ZFPM2: variants seen among roughly 807,000 people sequenced by gnomAD.
The protein encoded by ZFPM2 is zinc finger protein ZFPM2.
Under a neutral mutation model 98.6 loss-of-function variants are expected in ZFPM2, and 20 were observed. The ratio of observed to expected loss-of-function variants is 0.20; its 90% confidence interval spans 0.14 to 0.29. The LOEUF (loss-of-function observed/expected upper bound fraction) is 0.29. Ranked by LOEUF, ZFPM2 falls within the 10% of genes least tolerant of loss-of-function variation. The probability of loss-of-function intolerance (pLI) is 1.00; values close to 1 mark genes in which losing one functional copy is unlikely to be tolerated. For synonymous variants in ZFPM2, 518 were observed against 502.7 expected (o/e 1.03, Z -0.41); for missense variants, 1,310 against 1,388.6 (o/e 0.94, Z 0.90).
chr8:105,743,912 A>G (rs1478395933), intron 5 of ZFPM2, among the ~76,000 whole-genome samples: 2 of 152,006 alleles, frequency 1.3e-5, no homozygotes, highest in Non-Finnish European at 2.9e-5. Context: ...TTTAGTTCAA[A>G]TTGTATTTTT....
intron 5 of ZFPM2, among the ~76,000 whole-genome samples, chr8:105,677,572 A>G (rs1160429417): frequency 6.6e-6 from 1 of 151,766 alleles, no homozygotes; most frequent in Admixed American, 6.6e-5. Flanking sequence ...TGTATTGTAG[A>G]GGGTTTTTTT....
chr8:105,398,814 A>G (rs1367888819), intron 1 of ZFPM2, among the ~76,000 whole-genome samples: 1 of 152,164 alleles, frequency 6.6e-6, no homozygotes, highest in African/African-American at 2.4e-5. Context: ...TTATTCAGCA[A>G]ATGTGTGGCA....
intron 1 of ZFPM2, among the ~76,000 whole-genome samples, chr8:105,328,877 G>A (rs1393736662): frequency 6.6e-6 from 1 of 151,572 alleles, no homozygotes; most frequent in Non-Finnish European, 1.5e-5. Flanking sequence ...GGAAATATTG[G>A]GCCTCCCACC....
In ZFPM2 at chr8:105,446,200, G is replaced by T. The variant is rs572066389; in HGVS notation, c.301+1819G>T. Reference sequence around the variant, plus strand: ...CTCCCAAAGTGCTGGGATTACAGGCGTGAGCTACCGTGCCCGGCGATAGTT... The same window carrying T: ...CTCCCAAAGTGCTGGGATTACAGGCTTGAGCTACCGTGCCCGGCGATAGTT... On this transcript the variant is annotated intron_variant, in intron 3 of 7. Transcript: ENST00000407775. 1.2e-4 allele frequency among the ~76,000 whole-genome samples: 19 copies of T among 152,284 alleles called. 1 individual carries two copies. In the South Asian group the frequency reaches 3.5e-3, roughly 28 times the overall value.
chr8:105,671,083 A>T (rs1237474046), intron 5 of ZFPM2, among the ~76,000 whole-genome samples: 1 of 152,108 alleles, frequency 6.6e-6, no homozygotes, highest in African/African-American at 2.4e-5. Context: ...TGTTTCACAT[A>T]TGTATTCATC....
chr8:105,603,091 G>A (rs1319229080), intron 4 of ZFPM2, among the ~76,000 whole-genome samples: 1 of 152,074 alleles, frequency 6.6e-6, no homozygotes, highest in Non-Finnish European at 1.5e-5. Flanking sequence ...AGTAGGCATT[G>A]TCTCTCCATA....
chr8:105,619,427 C>T (rs1389255013), intron 4 of ZFPM2, among the ~76,000 whole-genome samples: 1 of 151,920 alleles, frequency 6.6e-6, no homozygotes, highest in African/African-American at 2.4e-5. Context: ...TATTTCATCT[C>T]TCTATTCTTG....
At chr8:105,530,100 A>G (rs1466444220) in intron 3 of ZFPM2, among the ~76,000 whole-genome samples, 1 of 152,156 alleles carries the variant, frequency 6.6e-6, no homozygotes, top group Non-Finnish European at 1.5e-5. Context: ...CTGATTAAAA[A>G]TCGGGCTGGC....
At chr8:105,612,234 T>A (rs931778723) in intron 4 of ZFPM2, among the ~76,000 whole-genome samples, 6 of 152,172 alleles carry the variant, frequency 3.9e-5, no homozygotes, top group African/African-American at 1.4e-4. Context: ...CCATCTTAAA[T>A]AAACTAGAAT....
chr8:105,409,048 G>A (rs1811523844), intron 1 of ZFPM2, among the ~76,000 whole-genome samples: 1 of 151,830 alleles, frequency 6.6e-6, no homozygotes, highest in African/African-American at 2.4e-5. Context: ...ACATGTGTGT[G>A]ATCTGGCCAG....
intron 3 of ZFPM2, among the ~76,000 whole-genome samples, chr8:105,537,563 G>A (rs1372133149): frequency 1.3e-5 from 2 of 152,174 alleles, no homozygotes; most frequent in East Asian, 3.9e-4. Flanking sequence ...TGTGCCTGTA[G>A]TCTCAGCTTC....
intron 1 of ZFPM2, among the ~76,000 whole-genome samples, chr8:105,406,343 T>G (rs2130009262): frequency 6.6e-6 from 1 of 152,224 alleles, no homozygotes; most frequent in East Asian, 1.9e-4. Flanking sequence ...AAACATGAAG[T>G]CCTTTAAACA....
intron 5 of ZFPM2, among the ~76,000 whole-genome samples, chr8:105,657,439 G>C (rs542529704): frequency 1.3e-5 from 2 of 152,030 alleles, no homozygotes; most frequent in Non-Finnish European, 2.9e-5. Context: ...GCACCTGGCC[G>C]TAATGCTCTT....
intron 4 of ZFPM2, among the ~76,000 whole-genome samples, chr8:105,609,962 C>A (rs1816274097): frequency 6.6e-6 from 1 of 152,098 alleles, no homozygotes; most frequent in South Asian, 2.1e-4. Flanking sequence ...AGGCAGCCAC[C>A]CCACTCAGCA....
chr8:105,441,943 A>G (rs1403068864), intron 2 of ZFPM2, among the ~76,000 whole-genome samples: 1 of 152,108 alleles, frequency 6.6e-6, no homozygotes, highest in Non-Finnish European at 1.5e-5. Context: ...GGCACAGAAG[A>G]TAAACCCTTT....
intron 3 of ZFPM2, among the ~76,000 whole-genome samples, chr8:105,541,871 C>T (rs1488259557): frequency 6.6e-6 from 1 of 151,994 alleles, no homozygotes; most frequent in Non-Finnish European, 1.5e-5. Context: ...AGAAAATGGA[C>T]ACCAAATGCC....
intron 1 of ZFPM2, among the ~76,000 whole-genome samples, chr8:105,417,416 A>C: frequency 6.6e-6 from 1 of 152,152 alleles, no homozygotes; most frequent in African/African-American, 2.4e-5. Context: ...AAAAAATAGA[A>C]AGTGCTTTGA....
At chr8:105,719,662 C>T (rs1370964887) in intron 5 of ZFPM2, among the ~76,000 whole-genome samples, 1 of 151,900 alleles carries the variant, frequency 6.6e-6, no homozygotes, top group African/African-American at 2.4e-5. Context: ...GTGCTTCCCA[C>T]AGCATCTAAT....
In ZFPM2 at chr8:105,547,690, A is replaced by G. The variant is rs74679249; in HGVS notation, c.302-13673A>G. Among the ~76,000 whole-genome samples, 175 of 152,132 alleles carry G rather than the reference A, an allele frequency of 1.2e-3. 1 individual carries two copies. The highest frequency in any genetic ancestry group is 4.0e-3 in the African/African-American group (167 of 41,524). ...TAACATATTTTGGTAAGTCATCTTT[A>G]CATTTATACCTATCTTCTTTAGAAA... On this transcript the variant is annotated intron_variant, in intron 3 of 7. Transcript: ENST00000407775.
Sources: gnomAD v4.1 joint callset for allele counts (sites outside exome capture counted in the v4.1 genomes callset) on GRCh38, gnomAD v4.1.1 for gene constraint, MANE v1.5 for transcripts, NCBI Gene and HGNC (gene_info 2026-07-23, HGNC 2026-07-21) for gene names.